PCDHGB6: variants seen among roughly 807,000 people sequenced by gnomAD.
PCDHGB6 encodes the protein protocadherin gamma-B6.
In PCDHGB6, 51 loss-of-function variants were observed where a neutral mutation model predicts 59.1. That is an observed-to-expected ratio of 0.86 (90% CI 0.69 to 1.09). PCDHGB6 has a LOEUF of 1.09. Among genes scored for constraint, PCDHGB6 ranks in the 50% least tolerant of loss-of-function variants. The pLI is 0.00. For missense variants in PCDHGB6, 1,148 were observed against 1,205.1 expected (o/e 0.95, Z 0.70); for synonymous variants, 466 against 495.1 (o/e 0.94, Z 0.78).
In PCDHGB6 at chr5:141,491,928, G is replaced by T; in HGVS notation, c.2419-2879G>T. 1 of 1,301,482 alleles carries T rather than the reference G, an allele frequency of 7.7e-7. No homozygotes were observed. Among genetic ancestry groups the T allele is most frequent in the South Asian group, 1.6e-5 (1 of 63,466 alleles). 80.6% of individuals were successfully genotyped at this position (1,301,482 alleles called of 1,614,324 possible). A position where few individuals can be genotyped will look rare whatever the true frequency, so the allele number is the denominator to read the frequency against. On this transcript the variant is annotated intron_variant, in intron 1 of 3. Coordinates refer to ENST00000520790, the MANE Select transcript of PCDHGB6 (RefSeq NM_018926.3). The surrounding 1 kb of genome is among the most constrained non-coding windows in gnomAD (Gnocchi z 6.9). ...TGGTGGCGACTGTGGGCGAGGGGAG[G>T]TGGGACCGACCCCCACCCCTACACT... is the stretch of plus-strand genomic sequence containing the variant.
rs1015619417 is a variant in PCDHGB6 at position 141,455,526 on chromosome 5, C to T, written c.2419-39281C>T. Among the ~76,000 whole-genome samples the T allele has an allele frequency of 2.0e-5, 3 of 152,106 alleles. 1 individual carries two copies. Among genetic ancestry groups the T allele is most frequent in the South Asian group, 4.1e-4 (2 of 4,826 alleles). ...CATAGGGCTCAGGGGATTGGTTTGA[C>T]CAGGCATATCATTCACGTAGCCCGA... On this transcript the variant is annotated intron_variant, in intron 1 of 3. Coordinates refer to ENST00000520790, the MANE Select transcript of PCDHGB6 (RefSeq NM_018926.3).
intron 1 of PCDHGB6, chr5:141,422,579 C>T: frequency 6.2e-7 from 1 of 1,614,052 alleles, no homozygotes; most frequent in Non-Finnish European, 8.5e-7. Flanking sequence ...GATAACCCTC[C>T]CGTTTTTCCT....
chr5:141,450,555 C>T (rs958577638), intron 1 of PCDHGB6, among the ~76,000 whole-genome samples: 4 of 151,710 alleles, frequency 2.6e-5, no homozygotes, highest in East Asian at 1.9e-4. Flanking sequence ...GGCGCAGTCT[C>T]GGCTCACTGC....
Position 141,432,521 on chromosome 5 carries a change from G to C in PCDHGB6, c.2418+21901G>C. ...CCGCTCCGCAGAGCCCGGCTACCTG[G>C]TGACCAAGGTGGTGGCGGTGGACAG... On this transcript the variant is annotated intron_variant, in intron 1 of 3. Transcript: ENST00000520790. The surrounding 1 kb of genome is among the most constrained non-coding windows in gnomAD (Gnocchi z 6.0). 1.2e-6 allele frequency: 2 copies of C among 1,614,112 alleles called. No individual in the cohort carries two copies. The highest frequency in any genetic ancestry group is 1.7e-6 in the Non-Finnish European group (2 of 1,180,028).
Position 141,451,680 on chromosome 5 carries a change from A to G in PCDHGB6, c.2418+41060A>G, listed in dbSNP as rs189200375. Among the ~76,000 whole-genome samples, 85 of 152,310 alleles carry G rather than the reference A, an allele frequency of 5.6e-4. 1 individual carries two copies. The East Asian group carries it at 0.012, about 21-fold the overall frequency. On this transcript the variant is annotated intron_variant, in intron 1 of 3. Coordinates refer to ENST00000520790, the MANE Select transcript of PCDHGB6 (RefSeq NM_018926.3). The stretch of plus-strand genomic sequence containing the variant: ...GTGGACTGCTTGAGCCCAGGAGTTC[A>G]AGACCAGCCTGGGTAACATGACAAA...
At chr5:141,418,233 A>T in intron 1 of PCDHGB6, 1 of 1,614,048 alleles carries the variant, frequency 6.2e-7, no homozygotes, top group Non-Finnish European at 8.5e-7. Flanking sequence ...GTGATTGAGG[A>T]TGTTAATGAC....
At chr5:141,465,742 A>G (rs1425097489) in intron 1 of PCDHGB6, among the ~76,000 whole-genome samples, 1 of 151,214 alleles carries the variant, frequency 6.6e-6, no homozygotes, top group Non-Finnish European at 1.5e-5. Flanking sequence ...TGTTTTCAGG[A>G]TCAGACTGGT....
chr5:141,506,277 T>C (rs905595521), intron 3 of PCDHGB6, among the ~76,000 whole-genome samples: 1 of 152,050 alleles, frequency 6.6e-6, no homozygotes. Flanking sequence ...AGTGAAACCC[T>C]GTCTCTACTA....
intron 1 of PCDHGB6, chr5:141,414,797 G>A: frequency 6.2e-7 from 1 of 1,614,230 alleles, no homozygotes. Context: ...GCCAGCGACA[G>A]CGGGGATCCT....
intron 1 of PCDHGB6, chr5:141,427,310 C>A (rs989300491): frequency 2.2e-5 from 10 of 456,738 alleles, no homozygotes; most frequent in African/African-American, 1.8e-4. Flanking sequence ...ATGACAATGC[C>A]CCAGACGTGG....
Position 141,431,655 on chromosome 5 carries a change from G to A in PCDHGB6, c.2418+21035G>A, listed in dbSNP as rs199998405. On this transcript the variant is annotated intron_variant, in intron 1 of 3. Transcript: ENST00000520790. This position sits in a 1 kb window ranked among gnomAD's most constrained non-coding sequence, Gnocchi z 4.8. Reference sequence around the variant, plus strand: ...GTTTTCAAACTAGATTGTAATTCAGGGACAATATCAACAATAGGGGAGTTG... The same window carrying A: ...GTTTTCAAACTAGATTGTAATTCAGAGACAATATCAACAATAGGGGAGTTG... 52 of 1,614,208 alleles carry A rather than the reference G, an allele frequency of 3.2e-5. No individual in the cohort carries two copies. The highest frequency in any genetic ancestry group is 3.3e-4 in the Middle Eastern group (2 of 6,062).
intron 1 of PCDHGB6, among the ~76,000 whole-genome samples, chr5:141,464,151 G>A (rs2099076865): frequency 6.6e-6 from 1 of 151,818 alleles, no homozygotes; most frequent in Non-Finnish European, 1.5e-5. Flanking sequence ...TGTAGTCCCA[G>A]CTACTTGGAA....
At position 141,512,161 on chromosome 5, in the gene PCDHGB6, G is replaced by A. The variant is rs1176664723; in HGVS notation, c.*988G>A. On this transcript the variant is annotated 3_prime_UTR_variant, in exon 4 of 4. Transcript: ENST00000520790. ...AGCCAGCTTTGGGCTGAGCTAACAGGACCAATGGATTAAACTGGCATTTCA... is the reference window on the plus strand; with the variant it reads ...AGCCAGCTTTGGGCTGAGCTAACAGAACCAATGGATTAAACTGGCATTTCA... The A allele has an allele frequency of 6.5e-6, 1 of 152,704 alleles. No homozygotes were observed. Among genetic ancestry groups the A allele is most frequent in the African/African-American group, 2.4e-5 (1 of 41,440 alleles). 9.5% of individuals were successfully genotyped at this position (152,704 alleles called of 1,614,324 possible). A position where few individuals can be genotyped will look rare whatever the true frequency, so the allele number is the denominator to read the frequency against.
intron 1 of PCDHGB6, chr5:141,413,141 G>A: frequency 1.3e-6 from 2 of 1,564,906 alleles, no homozygotes; most frequent in Non-Finnish European, 1.7e-6. Context: ...AACGTGTCCA[G>A]TGAGGACTTT....
At chr5:141,414,557 A>T (rs749209012) in intron 1 of PCDHGB6, 25 of 1,613,906 alleles carry the variant, frequency 1.5e-5, no homozygotes, top group Non-Finnish European at 2.0e-5. Flanking sequence ...CAAGTCTCCT[A>T]CTTTACCTAT....
At position 141,494,838 on chromosome 5, in the gene PCDHGB6, C is replaced by T; in HGVS notation, c.2450C>T (p.Ser817Phe). 4.3e-6 allele frequency: 7 copies of T among 1,614,166 alleles called. No homozygotes were observed. Among genetic ancestry groups the T allele is most frequent in the Non-Finnish European group, 3.4e-6 (4 of 1,180,032 alleles). Residue 817 changes from serine (S) to phenylalanine (F), a missense_variant, in exon 2 of 4, where the codon TCT becomes TTT. By Grantham distance (155) the Ser-to-Phe change is radical. Transcript: ENST00000520790. ...CCGCCCAACACGGACTGGCGTTTCT[C>T]TCAGGCCCAGAGACCCGGCACCAGC... ...QAPPNTDWRF[S>F]QAQRPGTSGS...
intron 3 of PCDHGB6, chr5:141,508,010 CAAG>C (rs2099865550): frequency 6.6e-6 from 1 of 152,308 alleles, no homozygotes; most frequent in Non-Finnish European, 1.5e-5. Context: ...GGGATGCTCT[CAAG>C]GAGGCTGCGG....
In PCDHGB6 at chr5:141,486,757, C is replaced by A; in HGVS notation, c.2419-8050C>A. 5 of 1,614,228 alleles carry A rather than the reference C, an allele frequency of 3.1e-6. No homozygotes were observed. Among genetic ancestry groups the A allele is most frequent in the Non-Finnish European group, 4.2e-6 (5 of 1,180,036 alleles). ...CTCGATCCTTTGACTATGAGCAAAC[C>A]CAGACACTGCAGTTTGAGGTGCAGG... On this transcript the variant is annotated intron_variant, in intron 1 of 3. Coordinates refer to ENST00000520790, the MANE Select transcript of PCDHGB6 (RefSeq NM_018926.3). This position sits in a 1 kb window ranked among gnomAD's most constrained non-coding sequence, Gnocchi z 5.0.
rs1017651550 is a variant in PCDHGB6 at position 141,408,127 on chromosome 5, G to A, written c.-76G>A. On this transcript the variant is annotated 5_prime_UTR_variant, in exon 1 of 4. Transcript: ENST00000520790. ...CCCGGGACTCCTCCTGTCCTGGGCCGAATGCTCTTTTAGCGCGGTAGAGTG... is the reference window on the plus strand; with the variant it reads ...CCCGGGACTCCTCCTGTCCTGGGCCAAATGCTCTTTTAGCGCGGTAGAGTG... 3 of 1,480,258 alleles carry A rather than the reference G, an allele frequency of 2.0e-6. No homozygotes were observed. The highest frequency in any genetic ancestry group is 2.8e-5 in the African/African-American group (2 of 71,118). The allele number at this position is 1,480,258 out of a possible 1,614,324, so 91.7% of individuals were successfully genotyped here.
Sources: gnomAD v4.1 joint callset for allele counts (sites outside exome capture counted in the v4.1 genomes callset) on GRCh38, gnomAD v4.1.1 for gene constraint, Gnocchi (gnomAD v3.1) non-coding constraint, MANE v1.5 for transcripts, NCBI Gene and HGNC (gene_info 2026-07-23, HGNC 2026-07-21) for gene names.